Variants in CEBPZ observed in about 807,000 individuals in gnomAD.
The protein encoded by CEBPZ is CCAAT enhancer binding protein zeta, also known as CCAAT/enhancer-binding protein zeta.
In CEBPZ, 78 loss-of-function variants were observed where a neutral mutation model predicts 104.5. That is an observed-to-expected ratio of 0.75 (90% CI 0.62 to 0.90). The LOEUF is 0.90. Among genes scored for constraint, CEBPZ ranks in the 40% least tolerant of loss-of-function variants. The probability of loss-of-function intolerance (pLI) is 0.00; values close to 1 mark genes in which losing one functional copy is unlikely to be tolerated. For missense variants in CEBPZ, 1,439 were observed against 1,233.5 expected, an observed-to-expected ratio of 1.17 and a Z score of -2.50; for synonymous variants, 470 against 427.0, an observed-to-expected ratio of 1.10 and a Z score of -1.24.
Position 37,214,909 on chromosome 2 carries a change from T to A in CEBPZ, c.2424A>T (p.Pro808=), listed in dbSNP as rs142303398. 126 of 1,610,376 alleles carry A rather than the reference T, an allele frequency of 7.8e-5. No homozygotes were observed. In the African/African-American group the frequency reaches 1.5e-3, roughly 20 times the overall value. ...EFLAKEESQI[P]VDEVFFHRYY... ...ACCTGTGGAAAAACACTTCATCCAC[T>A]GGTATTTGGCTTTCTTCTTTTGCAA... is the stretch of plus-strand genomic sequence containing the variant. The change falls in exon 9 of 16, where the codon CCA becomes CCT. Residue 808 remains proline (P), a synonymous_variant. Coordinates refer to ENST00000234170, the MANE Select transcript of CEBPZ (RefSeq NM_005760.3).
chr2:37,202,463 G>T, intron 15 of CEBPZ: 1 of 190,726 alleles, frequency 5.2e-6, no homozygotes, highest in South Asian at 8.9e-5. Flanking sequence ...TGGCCAACAT[G>T]GTGAAACCCT....
chr2:37,230,618 A>G (rs1404000386), intron 1 of CEBPZ, among the ~76,000 whole-genome samples: 1 of 152,216 alleles, frequency 6.6e-6, no homozygotes, highest in East Asian at 1.9e-4. Context: ...TCTGCTTAAA[A>G]TCTTCCAGTG....
At position 37,213,065 on chromosome 2, in the gene CEBPZ, C is replaced by A. The variant is rs546581679; in HGVS notation, c.2546-673G>T. 2.6e-5 allele frequency among the ~76,000 whole-genome samples: 4 copies of A among 151,672 alleles called. No homozygotes were observed. The South Asian group carries it at 6.3e-4, about 24-fold the overall frequency. On this transcript the variant is annotated intron_variant, in intron 10 of 15. Transcript: ENST00000234170. ...GTCTCAAAACAAACAAACAAACCCC[C>A]CAAAAAACAACAACAAAAAAATATG...
intron 13 of CEBPZ, among the ~76,000 whole-genome samples, chr2:37,205,927 G>A (rs895591346): frequency 1.3e-5 from 2 of 152,124 alleles, no homozygotes; most frequent in African/African-American, 4.8e-5. Context: ...TTATTGCAAG[G>A]GTCAAATGGC....
Position 37,229,024 on chromosome 2 carries a change from T to G in CEBPZ, c.169A>C (p.Met57Leu). The change falls in exon 2 of 16, where the codon ATG (methionine) becomes CTG (leucine). Residue 57 changes from methionine (M) to leucine (L), a missense_variant. By Grantham distance (15) the Met-to-Leu change is conservative (BLOSUM62 2). Transcript: ENST00000234170. ...TCATTCTCATCCAAAGTAGCCAGCA[T>G]AAGGTAATCTTGCTGCATTAAAAAC... Reference protein sequence around the residue: ...RLGGTKQDYLMLATLDENEEV... With the variant: ...RLGGTKQDYLLLATLDENEEV... The G allele has an allele frequency of 6.5e-7, 1 of 1,536,842 alleles. No homozygotes were observed. The highest frequency in any genetic ancestry group is 8.7e-7 in the Non-Finnish European group (1 of 1,147,126).
At chr2:37,230,399 A>G (rs932294826) in intron 1 of CEBPZ, among the ~76,000 whole-genome samples, 1 of 152,196 alleles carries the variant, frequency 6.6e-6, no homozygotes. Flanking sequence ...GTTATGGCTG[A>G]GATAAAAGTG....
chr2:37,205,895 TATC>T (rs1572492473), intron 13 of CEBPZ, among the ~76,000 whole-genome samples: 1 of 152,226 alleles, frequency 6.6e-6, no homozygotes, highest in Admixed American at 6.5e-5. Flanking sequence ...GAAGAGTTCG[TATC>T]ATAATAAAGG....
In CEBPZ at chr2:37,228,571, G is replaced by A. The variant is rs142125480; in HGVS notation, c.622C>T (p.Leu208Phe). Residue 208 changes from leucine to phenylalanine, a missense_variant, in exon 2 of 16, where the codon CTT becomes TTT. Physicochemically the swap from Leu to Phe is conservative, Grantham distance 22. Transcript: ENST00000234170. ...PQDVVSKYKTLAQKLYQHEIN... is the reference protein window; with the variant it reads ...PQDVVSKYKTFAQKLYQHEIN... ...TCATGCTGATACAGCTTCTGAGCAA[G>A]GGTTTTGTACTTAGATACAACATCC... 18 of 1,614,080 alleles carry A rather than the reference G, an allele frequency of 1.1e-5. No individual in the cohort carries two copies. The African/African-American group carries it at 1.9e-4, about 17-fold the overall frequency.
chr2:37,227,508 T>C, intron 2 of CEBPZ, 36 bp downstream of exon 2: 1 of 1,546,710 alleles, frequency 6.5e-7, no homozygotes, highest in Non-Finnish European at 8.7e-7. Flanking sequence ...ATCAAGTTAT[T>C]ATTTCATGTC....
Position 37,231,461 on chromosome 2 carries a change from G to A in CEBPZ, c.107C>T (p.Ala36Val), listed in dbSNP as rs2148369701. Residue 36 changes from alanine to valine, a missense_variant, in exon 1 of 16, where the codon GCC (alanine) becomes GTC (valine). Ala to Val is a moderately conservative substitution (Grantham distance 64, BLOSUM62 0). Coordinates refer to ENST00000234170, the MANE Select transcript of CEBPZ (RefSeq NM_005760.3). ...DEEDEDNTSE[A>V]ENGFSLEEVL... ...TTCCTCCAGGGAGAACCCATTCTCG[G>A]CTTCACTAGTATTATCCTCATCCTC... 6.2e-7 allele frequency: 1 copy of A among 1,614,186 alleles called. No individual in the cohort carries two copies. Among genetic ancestry groups the A allele is most frequent in the Non-Finnish European group, 8.5e-7 (1 of 1,180,044 alleles).
chr2:37,230,070 T>A (rs1227955874), intron 1 of CEBPZ, among the ~76,000 whole-genome samples: 2 of 152,202 alleles, frequency 1.3e-5, no homozygotes, highest in African/African-American at 4.8e-5. Context: ...AACTGTAGTA[T>A]TATTTAAAAT....
At chr2:37,222,293 A>T in intron 4 of CEBPZ, 87 bp downstream of exon 4, 1 of 1,168,562 alleles carries the variant, frequency 8.6e-7, no homozygotes, top group South Asian at 1.7e-5. Context: ...AAATAAATAA[A>T]TAAGTAAATA....
intron 2 of CEBPZ, among the ~76,000 whole-genome samples, chr2:37,226,525 T>C (rs113014328): frequency 1.2e-4 from 19 of 152,290 alleles, no homozygotes; most frequent in African/African-American, 4.6e-4. Flanking sequence ...ATAATAATCA[T>C]ATGAGATAGC....
At chr2:37,211,277 A>G in intron 12 of CEBPZ, 195 bp from the exon 13 acceptor site, 1 of 402,564 alleles carries the variant, frequency 2.5e-6, no homozygotes, top group Non-Finnish European at 4.4e-6. Flanking sequence ...CAGTTCTAAT[A>G]TTTTGTGCAA....
intron 15 of CEBPZ, 97 bp from the exon 16 acceptor site, chr2:37,202,000 C>A: frequency 8.4e-7 from 1 of 1,194,996 alleles, no homozygotes. Flanking sequence ...TTCTAGCCTG[C>A]CTTGGCCTGT....
In CEBPZ at chr2:37,222,370, A is replaced by G; in HGVS notation, c.2065+10T>C. On this transcript the variant is annotated intron_variant, in intron 4 of 15. Coordinates refer to ENST00000234170, the MANE Select transcript of CEBPZ (RefSeq NM_005760.3). ...AAACTCCCTAGAGAATAAAGATGAAAAAAACTCACCTTTCAAATTATCAAA... is the reference window on the plus strand; with the variant it reads ...AAACTCCCTAGAGAATAAAGATGAAGAAAACTCACCTTTCAAATTATCAAA... 9 of 1,566,406 alleles carry G rather than the reference A, an allele frequency of 5.7e-6. No homozygotes were observed. Among genetic ancestry groups the G allele is most frequent in the Non-Finnish European group, 6.0e-6 (7 of 1,163,228 alleles).
intron 5 of CEBPZ, among the ~76,000 whole-genome samples, chr2:37,218,915 C>T (rs1410501767): frequency 6.6e-6 from 1 of 152,150 alleles, no homozygotes; most frequent in African/African-American, 2.4e-5. Context: ...TGGAAAAATA[C>T]CATATGCAGT....
chr2:37,223,167 T>C lies in CEBPZ; in HGVS notation c.1881+3A>G, dbSNP rs1664807869. On this transcript the variant is annotated splice_donor_region_variant and intron_variant, in intron 3 of 15. Coordinates refer to ENST00000234170, the MANE Select transcript of CEBPZ (RefSeq NM_005760.3). The stretch of plus-strand genomic sequence containing the variant: ...CAATTTAAAAAGCAGTTGTAAAATA[T>C]ACCGGATGATCATCTAGTTGGCTTC... 3 of 1,609,140 alleles carry C rather than the reference T, an allele frequency of 1.9e-6. No homozygotes were observed. Among genetic ancestry groups the C allele is most frequent in the Non-Finnish European group, 1.7e-6 (2 of 1,176,240 alleles).
At chr2:37,225,332 A>G (rs560932102) in intron 2 of CEBPZ, among the ~76,000 whole-genome samples, 2 of 152,174 alleles carry the variant, frequency 1.3e-5, no homozygotes, top group Non-Finnish European at 2.9e-5. Flanking sequence ...GGGAAAAGGA[A>G]GAGAGATCAG....
Sources: gnomAD v4.1 joint callset for allele counts (sites outside exome capture counted in the v4.1 genomes callset) on GRCh38, gnomAD v4.1.1 for gene constraint, MANE v1.5 for transcripts, NCBI Gene and HGNC (gene_info 2026-07-23, HGNC 2026-07-21) for gene names.